The following GLRA2 variants were observed in gnomAD, a reference collection of about 807,000 sequenced individuals.
The protein encoded by GLRA2 is glycine receptor subunit alpha-2.
A neutral mutation model predicts 31.6 loss-of-function variants in GLRA2; 11 were observed. The observed-to-expected ratio is 0.35, with a 90% CI of 0.22 to 0.58. The LOEUF is 0.58. GLRA2 is among the 20% of genes least tolerant of loss of function. GLRA2 has a pLI of 0.84. For synonymous variants in GLRA2, 132 were observed against 134.0 expected (o/e 0.99, Z 0.10); for missense variants, 212 against 351.8 (o/e 0.60, Z 3.18).
At chrX:14,563,283 G>A (rs1379890916) in intron 2 of GLRA2, among the ~76,000 whole-genome samples, 1 of 112,170 alleles carries the variant, frequency 8.9e-6, no homozygotes, top group Admixed American at 9.5e-5. Context: ...TGGTTGGTTG[G>A]TTGGTTGATT....
the GLRA2 span, among the ~76,000 whole-genome samples, chrX:14,495,008 G>A: frequency 1.8e-5 from 2 of 111,429 alleles, no homozygotes; most frequent in Non-Finnish European, 3.8e-5. Context: ...CACTTCAGCC[G>A]GCTGCAATTT....
At chrX:14,515,793 A>T in the GLRA2 span, among the ~76,000 whole-genome samples, 1 of 111,269 alleles carries the variant, frequency 9.0e-6, no homozygotes, top group African/African-American at 3.3e-5. Flanking sequence ...CCTGGCTCTT[A>T]CTCATGAGGT....
At chrX:14,515,380 T>C in the GLRA2 span, among the ~76,000 whole-genome samples, 21 of 112,331 alleles carry the variant, frequency 1.9e-4, no homozygotes, top group Middle Eastern at 4.7e-3. Context: ...CTGAATTTCA[T>C]TGGAATTCCT....
intron 8 of GLRA2, among the ~76,000 whole-genome samples, chrX:14,728,817 G>T (rs191997788): frequency 3.6e-5 from 4 of 112,423 alleles, no homozygotes; most frequent in African/African-American, 1.3e-4. Context: ...GTTCTGCCTT[G>T]CAGGTTCTGC....
At chrX:14,547,114 T>A (rs2089492607) in intron 2 of GLRA2, among the ~76,000 whole-genome samples, 1 of 111,576 alleles carries the variant, frequency 9.0e-6, no homozygotes, top group Non-Finnish European at 1.9e-5. Flanking sequence ...ATGGGTGATG[T>A]GGCAGGTGCA....
chrX:14,476,015 T>C, the GLRA2 span, among the ~76,000 whole-genome samples: 1 of 111,662 alleles, frequency 9.0e-6, no homozygotes, highest in Non-Finnish European at 1.9e-5. Flanking sequence ...CAGAATCACC[T>C]GGCACACTTG....
At chrX:14,531,736 G>T (rs748894491) in intron 1 of GLRA2, among the ~76,000 whole-genome samples, 51 of 111,041 alleles carry the variant, frequency 4.6e-4, no homozygotes, top group Non-Finnish European at 4.9e-4. Context: ...GTTGATAGTT[G>T]GATTAGAACT....
chrX:14,536,198 T>G (rs920371220), intron 2 of GLRA2, among the ~76,000 whole-genome samples: 6 of 112,019 alleles, frequency 5.4e-5, no homozygotes, highest in Admixed American at 9.5e-5. Context: ...GAGCTAGCAG[T>G]TCAAGAGGTG....
chrX:14,700,142 G>A (rs947628046), intron 8 of GLRA2, among the ~76,000 whole-genome samples: 30 of 111,810 alleles, frequency 2.7e-4, no homozygotes, highest in African/African-American at 9.4e-4. Context: ...TGGAGGTAGC[G>A]ATGTCCATGA....
At chrX:14,524,586 G>A (rs1461018375), upstream of GLRA2, among the ~76,000 whole-genome samples, 1 of 111,769 alleles carries the variant, frequency 8.9e-6, no homozygotes, top group African/African-American at 3.2e-5. Context: ...TCAAGTGGAG[G>A]AAAGAATGTC....
At chrX:14,654,000 C>T (rs1169053034) in intron 7 of GLRA2, among the ~76,000 whole-genome samples, 1 of 111,546 alleles carries the variant, frequency 9.0e-6, no homozygotes, top group Non-Finnish European at 1.9e-5. Flanking sequence ...TGGTGTGCCC[C>T]TATATTCCTA....
chrX:14,676,936 T>C (rs929684297), intron 7 of GLRA2, among the ~76,000 whole-genome samples: 2 of 111,708 alleles, frequency 1.8e-5, no homozygotes, highest in Non-Finnish European at 3.8e-5. Flanking sequence ...GTCTATACAA[T>C]GCGAAACAAC....
the GLRA2 span, among the ~76,000 whole-genome samples, chrX:14,472,543 T>G: frequency 9.0e-6 from 1 of 110,962 alleles, no homozygotes; most frequent in Admixed American, 9.7e-5. Context: ...GAACCTCTTT[T>G]AGGCCCCAGT....
chrX:14,654,326 A>T (rs2090919350), intron 7 of GLRA2, among the ~76,000 whole-genome samples: 1 of 111,327 alleles, frequency 9.0e-6, no homozygotes, highest in Non-Finnish European at 1.9e-5. Flanking sequence ...AAATTAAGGT[A>T]TGTACATTGT....
rs1569528396 is a variant in GLRA2, at chrX:14,731,172, A to T, written c.*687A>T. The T allele has an allele frequency of 8.9e-6, 1 of 112,447 alleles. No individual in the cohort carries two copies. The highest frequency in any genetic ancestry group is 2.8e-4 in the East Asian group (1 of 3,574). 9.3% of individuals were successfully genotyped at this position (112,447 alleles called of 1,213,427 possible). A position where few individuals can be genotyped will look rare whatever the true frequency, so the allele number is the denominator to read the frequency against. ...CAATGACAAAATAAACACCAATGAC[A>T]GAAAAATTTCTACTTTACTGTCCAT... is the stretch of plus-strand genomic sequence containing the variant. On this transcript the variant is annotated 3_prime_UTR_variant, in exon 9 of 9. Transcript: ENST00000218075.
intron 4 of GLRA2, among the ~76,000 whole-genome samples, chrX:14,591,043 G>A (rs2090139935): frequency 9.0e-6 from 1 of 111,587 alleles, no homozygotes; most frequent in African/African-American, 3.3e-5. Flanking sequence ...CAGAAAGTGC[G>A]TTGTATGTAT....
intron 7 of GLRA2, among the ~76,000 whole-genome samples, chrX:14,613,158 C>T (rs1266924907): frequency 9.0e-6 from 1 of 111,224 alleles, no homozygotes; most frequent in Admixed American, 9.6e-5. Context: ...AATTGTTTAG[C>T]CCAGTTTTTC....
chrX:14,692,825 C>G (rs1215063654), intron 8 of GLRA2, among the ~76,000 whole-genome samples: 4 of 111,477 alleles, frequency 3.6e-5, no homozygotes. Context: ...TACCTGGGCT[C>G]TGTGGGAATG....
intron 7 of GLRA2, among the ~76,000 whole-genome samples, chrX:14,665,096 C>T (rs976102823): frequency 3.6e-5 from 4 of 111,907 alleles, no homozygotes; most frequent in African/African-American, 6.5e-5. Context: ...ATTCTGGCTT[C>T]AATGTTTAGA....
Sources: allele counts gnomAD v4.1 joint callset (sites outside exome capture counted in the v4.1 genomes callset), GRCh38; gene constraint gnomAD v4.1.1; transcripts MANE v1.5; gene names NCBI Gene and HGNC (gene_info 2026-07-23, HGNC 2026-07-21).